The following DZANK1 variants were observed in gnomAD, a reference collection of about 807,000 sequenced individuals.
DZANK1 encodes double zinc ribbon and ankyrin repeat domains 1, also known as double zinc ribbon and ankyrin repeat-containing protein 1.
Under a neutral mutation model 94.5 loss-of-function variants are expected in DZANK1, and 91 were observed. That is an observed-to-expected ratio of 0.96 (90% CI 0.81 to 1.15). The LOEUF is 1.15. DZANK1 is among the 50% of genes most tolerant of loss of function. The probability of loss-of-function intolerance (pLI) is 0.00; values close to 1 mark genes in which losing one functional copy is unlikely to be tolerated. For missense variants in DZANK1, 903 were observed against 916.4 expected, an observed-to-expected ratio of 0.99 and a Z score of 0.19; for synonymous variants, 312 against 325.3, an observed-to-expected ratio of 0.96 and a Z score of 0.44.
At chr20:18,413,745 A>T (rs1361337965) in intron 12 of DZANK1, among the ~76,000 whole-genome samples, 1 of 151,944 alleles carries the variant, frequency 6.6e-6, no homozygotes, top group Non-Finnish European at 1.5e-5. Context: ...GCACCATTGC[A>T]CTCCAGCCTG....
At chr20:18,397,107 CAT>C (rs1236195267) in intron 14 of DZANK1, among the ~76,000 whole-genome samples, 3 of 152,148 alleles carry the variant, frequency 2.0e-5, no homozygotes, top group Non-Finnish European at 4.4e-5. Context: ...AAAGCAGCCA[CAT>C]AAGTAAAGGA....
At chr20:18,465,251 T>C in exon 2 of DZANK1, 1 of 1,568,200 alleles carries the variant, frequency 6.4e-7, no homozygotes, top group Non-Finnish European at 8.7e-7. Context: ...GATTCTTACC[T>C]GATTTCATTT....
chr20:18,408,455 A>G (rs1172375143), intron 13 of DZANK1, among the ~76,000 whole-genome samples: 1 of 152,224 alleles, frequency 6.6e-6, no homozygotes, highest in Non-Finnish European at 1.5e-5. Flanking sequence ...CTACCCCAAG[A>G]CATTTCATAA....
chr20:18,409,244 C>T (rs1027148869), intron 13 of DZANK1, among the ~76,000 whole-genome samples: 1 of 152,060 alleles, frequency 6.6e-6, no homozygotes. Context: ...CACAGCGAGA[C>T]ACATTATCAA....
chr20:18,432,500 T>G (rs1245675815), intron 9 of DZANK1: 1 of 152,218 alleles, frequency 6.6e-6, no homozygotes, highest in Non-Finnish European at 1.5e-5. Context: ...TCTACCTGAC[T>G]TTGGCCTGGC....
At chr20:18,398,949 T>C (rs1011655153) in intron 13 of DZANK1, among the ~76,000 whole-genome samples, 1 of 151,840 alleles carries the variant, frequency 6.6e-6, no homozygotes, top group East Asian at 1.9e-4. Context: ...CTGGCCAACA[T>C]GGTGAAACCC....
intron 10 of DZANK1, among the ~76,000 whole-genome samples, chr20:18,422,796 G>GTTATT: frequency 2.2e-5 from 1 of 45,218 alleles, no homozygotes; most frequent in Non-Finnish European, 6.2e-5. Flanking sequence ...CTCTGGCTTT[G>GTTATT]TTCTTTTTTT....
chr20:18,428,282 G>A (rs1416413104), intron 9 of DZANK1, among the ~76,000 whole-genome samples: 4 of 151,682 alleles, frequency 2.6e-5, no homozygotes, highest in Non-Finnish European at 2.9e-5. Context: ...TCTGCCTCCC[G>A]GGTTCAAGTG....
At chr20:18,430,308 C>T (rs1055935266) in intron 9 of DZANK1, among the ~76,000 whole-genome samples, 3 of 152,116 alleles carry the variant, frequency 2.0e-5, no homozygotes, top group Non-Finnish European at 2.9e-5. Context: ...GCACCTGTGA[C>T]TCAGGCACAG....
intron 15 of DZANK1, chr20:18,394,941 G>A: frequency 2.2e-6 from 1 of 453,080 alleles, no homozygotes; most frequent in Non-Finnish European, 4.4e-6. Context: ...ACATAATGAG[G>A]CCAGACACAG....
intron 5 of DZANK1, among the ~76,000 whole-genome samples, 196 bp downstream of exon 5, chr20:18,453,535 G>A (rs1446126470): frequency 6.6e-6 from 1 of 152,160 alleles, no homozygotes; most frequent in African/African-American, 2.4e-5. Context: ...TAACTTGGTT[G>A]GACTGCTTGA....
chr20:18,452,643 C>T, exon 6 of DZANK1: 2 of 1,597,346 alleles, frequency 1.3e-6, no homozygotes, highest in South Asian at 1.1e-5. Context: ...TGGTCTAGAA[C>T]CTGATCCTCC....
chr20:18,430,618 C>T (rs2148595251), intron 9 of DZANK1, among the ~76,000 whole-genome samples: 1 of 152,208 alleles, frequency 6.6e-6, no homozygotes, highest in East Asian at 1.9e-4. Context: ...AGTTCCAGAC[C>T]AGCCTGGGCA....
chr20:18,389,738 C>A (rs766364620), exon 19 of DZANK1: 1 of 1,613,806 alleles, frequency 6.2e-7, no homozygotes, highest in East Asian at 2.2e-5. Context: ...CCTCTCTGCA[C>A]GAGAACTGGA....
chr20:18,452,625 C>T lies in DZANK1; in HGVS notation c.533G>A (p.Arg178His), dbSNP rs542484500. 2.0e-5 allele frequency: 32 copies of T among 1,591,268 alleles called. No homozygotes were observed. The East Asian group carries it at 2.0e-4, about 10-fold the overall frequency. ...GTCCTTAGAAGTTACCTGGGACTGG[C>T]GGGTGGGTGGTCTAGAACCTGATCC... The change falls in exon 6 of 21, where the codon CGC becomes CAC. Residue 178 changes from arginine (R) to histidine (H), a missense_variant. Arg to His is a conservative substitution (Grantham distance 29, BLOSUM62 0). Coordinates refer to ENST00000262547, the Ensembl canonical transcript of DZANK1.
At chr20:18,460,304 T>C (rs1403755083) in exon 3 of DZANK1, 1 of 1,515,580 alleles carries the variant, frequency 6.6e-7, no homozygotes, top group Non-Finnish European at 8.9e-7. Flanking sequence ...ACATCTGGAG[T>C]GTCTGAAAAA....
At chr20:18,464,914 A>G (rs893364398) in intron 2 of DZANK1, among the ~76,000 whole-genome samples, 2 of 151,816 alleles carry the variant, frequency 1.3e-5, no homozygotes, top group South Asian at 4.2e-4. Context: ...ACCTCAAGTG[A>G]TCCACCTGCC....
At chr20:18,398,679 AG>A (rs2056500371) in intron 13 of DZANK1, 53 bp from the exon 14 acceptor site, 2 of 1,517,316 alleles carry the variant, frequency 1.3e-6, no homozygotes, top group Non-Finnish European at 1.8e-6. Flanking sequence ...AGACTAAGAA[AG>A]AAAAATGATA....
chr20:18,389,398 T>A (rs1256961614), intron 19 of DZANK1, among the ~76,000 whole-genome samples: 1 of 152,208 alleles, frequency 6.6e-6, no homozygotes, highest in Admixed American at 6.5e-5. Flanking sequence ...AAACATTGAT[T>A]AACACCCCAA....
Sources: gnomAD v4.1 joint callset for allele counts (sites outside exome capture counted in the v4.1 genomes callset) on GRCh38, gnomAD v4.1.1 for gene constraint, MANE v1.5 for transcripts, NCBI Gene and HGNC (gene_info 2026-07-23, HGNC 2026-07-21) for gene names.